Variants in PHLPP2 observed in about 807,000 individuals in gnomAD.
PHLPP2 encodes the protein PH domain leucine-rich repeat-containing protein phosphatase 2.
Under a neutral mutation model 124.9 loss-of-function variants are expected in PHLPP2, and 66 were observed. The ratio of observed to expected loss-of-function variants is 0.53; its 90% CI spans 0.43 to 0.65. The LOEUF (loss-of-function observed/expected upper bound fraction) is 0.65. Ranked by LOEUF, PHLPP2 falls within the 30% of genes least tolerant of loss-of-function variation. The probability of loss-of-function intolerance (pLI) is 0.00; values close to 1 mark genes in which losing one functional copy is unlikely to be tolerated. For missense variants in PHLPP2, 1,685 were observed against 1,600.4 expected, an observed-to-expected ratio of 1.05 and a Z score of -0.90; for synonymous variants, 681 against 624.7, an observed-to-expected ratio of 1.09 and a Z score of -1.34.
intron 2 of PHLPP2, among the ~76,000 whole-genome samples, chr16:71,704,319 A>G (rs950621431): frequency 3.3e-5 from 5 of 151,144 alleles, no homozygotes; most frequent in Admixed American, 1.3e-4. Context: ...AAAAAAAAAA[A>G]AAAAAACTTA....
At chr16:71,706,612 A>T (rs1011401622) in intron 2 of PHLPP2, among the ~76,000 whole-genome samples, 1 of 152,212 alleles carries the variant, frequency 6.6e-6, no homozygotes, top group African/African-American at 2.4e-5. Flanking sequence ...CAATAGGGAT[A>T]CTTCAACAAA....
At chr16:71,662,117 C>T (rs62053108) in intron 13 of PHLPP2, among the ~76,000 whole-genome samples, 43,463 of 151,576 alleles carry the variant, frequency 0.29, 8,127 homozygotes, top group East Asian at 0.76. Flanking sequence ...CGGCCACGCC[C>T]GGCCTCTACA....
chr16:71,676,789 C>T (rs529267789), intron 8 of PHLPP2, 140 bp from the exon 9 acceptor site: 30 of 645,574 alleles, frequency 4.6e-5, no homozygotes, highest in Non-Finnish European at 7.5e-5. Flanking sequence ...CACTGTGTTG[C>T]GCAGGCTGGA....
At chr16:71,701,454 T>C (rs1165070295) in intron 3 of PHLPP2, among the ~76,000 whole-genome samples, 1 of 152,322 alleles carries the variant, frequency 6.6e-6, no homozygotes, top group Admixed American at 6.5e-5. Flanking sequence ...AGCTTTTCTA[T>C]GTCAACAGAA....
chr16:71,659,732 G>A (rs1038037114), intron 13 of PHLPP2, among the ~76,000 whole-genome samples: 3 of 152,144 alleles, frequency 2.0e-5, no homozygotes, highest in African/African-American at 7.2e-5. Context: ...TAACTTAAGT[G>A]AGACTAACAC....
At chr16:71,677,143 C>A in intron 8 of PHLPP2, 3 of 159,084 alleles carry the variant, frequency 1.9e-5, no homozygotes, top group Non-Finnish European at 2.8e-5. Context: ...CAAGGTACAG[C>A]TAAGTTAGAC....
chr16:71,648,771 AAAAC>A lies in PHLPP2; in HGVS notation c.*115_*118del, dbSNP rs1214227532. On this transcript the variant is annotated 3_prime_UTR_variant, in exon 19 of 19. Transcript: ENST00000568954. ...GAGCGACTGAGCAAGACTCCGTCTC[AAAAC>A]AAACAAACAAAAAAAAAACGAACAA... 3.9e-5 allele frequency: 31 copies of A among 795,732 alleles called. No individual in the cohort carries two copies. The highest frequency in any genetic ancestry group is 7.4e-5 in the East Asian group (3 of 40,804). 49.3% of individuals were successfully genotyped at this position (795,732 alleles called of 1,614,324 possible).
chr16:71,676,635 T>G lies in PHLPP2; in HGVS notation c.1283A>C (p.Lys428Thr), dbSNP rs2044948730. Residue 428 changes from lysine (K) to threonine (T), a missense_variant, in exon 9 of 19, where the codon AAA becomes ACA. By Grantham distance (78) the Lys-to-Thr change is moderately conservative (BLOSUM62 -1). Coordinates refer to ENST00000568954, the MANE Select transcript of PHLPP2 (RefSeq NM_015020.3). ...KHVDLRMNHL[K>T]TMVIENLEGN... ...CTCCAGATTTTCAATAACCATGGTT[T>G]TCAAATGGTTCATCCTTAATACGCA... is the stretch of plus-strand genomic sequence containing the variant. 1.2e-6 allele frequency: 2 copies of G among 1,610,188 alleles called. No homozygotes were observed. The highest frequency in any genetic ancestry group is 4.5e-5 in the East Asian group (2 of 44,874).
intron 2 of PHLPP2, among the ~76,000 whole-genome samples, chr16:71,710,312 G>C (rs915483708): frequency 6.6e-6 from 1 of 152,112 alleles, no homozygotes; most frequent in Non-Finnish European, 1.5e-5. Context: ...ATCTCTCTAA[G>C]GTTTCCTCAA....
rs2044646462 is a variant in PHLPP2, at chr16:71,645,348, G to A, written c.*3542C>T. The stretch of plus-strand genomic sequence containing the variant: ...AGTCACTAACTGGAAAGATTAACTT[G>A]CCTTCATGATTGGGAGTCGGAAAGC... On this transcript the variant is annotated 3_prime_UTR_variant, in exon 19 of 19. Coordinates refer to ENST00000568954, the MANE Select transcript of PHLPP2 (RefSeq NM_015020.3). The A allele has an allele frequency of 2.0e-5, 3 of 153,426 alleles. No individual in the cohort carries two copies. Among genetic ancestry groups the A allele is most frequent in the Admixed American group, 1.3e-4 (2 of 15,296 alleles). The allele number at this position is 153,426 out of a possible 1,614,324, so 9.5% of individuals were successfully genotyped here.
At chr16:71,718,040 T>A (rs1362876885) in intron 1 of PHLPP2, among the ~76,000 whole-genome samples, 2 of 152,104 alleles carry the variant, frequency 1.3e-5, no homozygotes, top group East Asian at 3.9e-4. Flanking sequence ...TACATGCACA[T>A]GCCACCACAC....
intron 4 of PHLPP2, among the ~76,000 whole-genome samples, chr16:71,689,191 C>T (rs1194275925): frequency 1.3e-5 from 2 of 151,922 alleles, no homozygotes; most frequent in South Asian, 2.1e-4. Flanking sequence ...TATTTGTAAG[C>T]TCAGCTAGGT....
rs1400279519 is a variant in PHLPP2 at position 71,702,867 on chromosome 16, T to C, written c.285-136A>G. On this transcript the variant is annotated intron_variant, in intron 2 of 18. Coordinates refer to ENST00000568954, the MANE Select transcript of PHLPP2 (RefSeq NM_015020.3). ...GTCACATGAATATACTGCTTAGTAG[T>C]GAAGTCTGGGCTTTTAGTGTAATCC... 9 of 553,426 alleles carry C rather than the reference T, an allele frequency of 1.6e-5. No individual in the cohort carries two copies. The South Asian group carries it at 1.7e-4, about 10-fold the overall frequency. The allele number at this position is 553,426 out of a possible 1,614,324, so 34.3% of individuals were successfully genotyped here.
At chr16:71,713,517 T>C (rs1424130967) in intron 2 of PHLPP2, among the ~76,000 whole-genome samples, 2 of 152,204 alleles carry the variant, frequency 1.3e-5, no homozygotes, top group African/African-American at 2.4e-5. Flanking sequence ...CACAGGTACA[T>C]GGATACTCAC....
At chr16:71,719,543 A>G (rs537908421) in intron 1 of PHLPP2, among the ~76,000 whole-genome samples, 2 of 152,306 alleles carry the variant, frequency 1.3e-5, no homozygotes, top group South Asian at 4.1e-4. Context: ...ATCTCTCTAA[A>G]AAGTATCTTT....
In PHLPP2 at chr16:71,681,816, G is replaced by C; in HGVS notation, c.825C>G (p.Thr275=). Residue 275 remains threonine, a synonymous_variant, in exon 6 of 19, where the codon ACC becomes ACG. Coordinates refer to ENST00000568954, the MANE Select transcript of PHLPP2 (RefSeq NM_015020.3). ...TGAAGTTGTGTCGCAAGTTGAGGTA[G>C]GTAATATCTTGACTATAGAAGAGAT... ...PEHLFYSQDI[T]YLNLRHNFMQ... 6.2e-7 allele frequency: 1 copy of C among 1,613,750 alleles called. No individual in the cohort carries two copies. Among genetic ancestry groups the C allele is most frequent in the South Asian group, 1.1e-5 (1 of 91,046 alleles).
rs769351251 is a variant in PHLPP2 at position 71,669,358 on chromosome 16, C to A, written c.1545G>T (p.Glu515Asp). 1.2e-6 allele frequency: 2 copies of A among 1,609,858 alleles called. No homozygotes were observed. The highest frequency in any genetic ancestry group is 1.1e-5 in the South Asian group (1 of 91,020). ...TFLDLSRNLL[E>D]CVPDWACEAK... ...CTTCACAGGCCCAGTCAGGGACACA[C>A]TCTAGCAGGTTTCTGCAGAAAATAA... Residue 515 changes from glutamate to aspartate, a missense_variant, in exon 11 of 19, where the codon GAG (glutamate) becomes GAT (aspartate). Physicochemically the swap from Glu to Asp is conservative, Grantham distance 45. Transcript: ENST00000568954.
At chr16:71,674,506 CAA>C (rs1344752138) in intron 9 of PHLPP2, among the ~76,000 whole-genome samples, 1 of 151,098 alleles carries the variant, frequency 6.6e-6, no homozygotes, top group Admixed American at 6.6e-5. Flanking sequence ...ACGAAGAAAA[CAA>C]TATTTCTGTG....
chr16:71,723,500 G>T, intron 1 of PHLPP2: 1 of 161,764 alleles, frequency 6.2e-6, no homozygotes. Flanking sequence ...CCAAAGGCGT[G>T]GGCCTGCGAG....
Sources: allele counts gnomAD v4.1 joint callset (sites outside exome capture counted in the v4.1 genomes callset), GRCh38; gene constraint gnomAD v4.1.1; transcripts MANE v1.5; gene names NCBI Gene and HGNC (gene_info 2026-07-23, HGNC 2026-07-21).